The following AP5Z1 variants were observed in gnomAD, a reference collection of about 807,000 sequenced individuals.
The protein encoded by AP5Z1 is AP-5 complex subunit zeta-1.
Under a neutral mutation model 83.0 loss-of-function variants are expected in AP5Z1, and 106 were observed. The observed-to-expected ratio is 1.28, with a 90% CI of 1.09 to 1.50. The LOEUF (loss-of-function observed/expected upper bound fraction) is 1.50. Ranked by LOEUF, AP5Z1 falls within the 40% of genes most tolerant of loss-of-function variation. AP5Z1 has a pLI of 0.00. For missense variants in AP5Z1, 1,565 were observed against 1,094.2 expected (o/e 1.43, Z -6.07); for synonymous variants, 751 against 514.1 (o/e 1.46, Z -6.23).
chr7:4,782,473 G>A lies in AP5Z1; in HGVS notation c.366+719G>A, dbSNP rs150860018. 3.8e-3 allele frequency among the ~76,000 whole-genome samples: 578 copies of A among 152,300 alleles called. 5 individuals carry two copies. The highest frequency in any genetic ancestry group is 0.012 in the African/African-American group (513 of 41,560). On this transcript the variant is annotated intron_variant, in intron 3 of 16. Transcript: ENST00000649063. ...GGTGCAGAGTCTGCAGGAAGGTTGCGATGGAGCTGGGCTTTTCCCTCCGTT... is the reference window on the plus strand; with the variant it reads ...GGTGCAGAGTCTGCAGGAAGGTTGCAATGGAGCTGGGCTTTTCCCTCCGTT...
rs1781592938 is a variant in AP5Z1, at chr7:4,787,681, C to T, written c.1359C>T (p.Leu453=). The change falls in exon 11 of 17, where the codon CTC becomes CTT. Residue 453 remains leucine, a synonymous_variant. Coordinates refer to ENST00000649063, the MANE Select transcript of AP5Z1 (RefSeq NM_014855.3). Reference sequence around the variant, plus strand: ...CCCTCACCTCCGAGTTTGTGGCGCTCCTCCCGGCCCTGGTGGACGCTGGCA... The same window carrying T: ...CCCTCACCTCCGAGTTTGTGGCGCTTCTCCCGGCCCTGGTGGACGCTGGCA... ...SPPLTSEFVA[L]LPALVDAGTA... is the part of the protein sequence containing the mutation. The T allele has an allele frequency of 6.4e-7, 1 of 1,552,660 alleles. No individual in the cohort carries two copies. The highest frequency in any genetic ancestry group is 8.7e-7 in the Non-Finnish European group (1 of 1,148,754).
Position 4,786,360 on chromosome 7 carries a change from A to C in AP5Z1, c.1243A>C (p.Arg415=). 6.2e-7 allele frequency: 1 copy of C among 1,613,924 alleles called. No individual in the cohort carries two copies. Among genetic ancestry groups the C allele is most frequent in the Non-Finnish European group, 8.5e-7 (1 of 1,179,852 alleles). Residue 415 remains arginine, a synonymous_variant, in exon 10 of 17, where the codon AGG becomes CGG. Coordinates refer to ENST00000649063, the MANE Select transcript of AP5Z1 (RefSeq NM_014855.3). ...GGCCTTTGAATTCATCCAGTTCTGC[A>C]GGGACAACCTCCACCTGTTCAGCGG... is the stretch of plus-strand genomic sequence containing the variant. ...MLAFEFIQFC[R]DNLHLFSGHL...
intron 3 of AP5Z1, among the ~76,000 whole-genome samples, chr7:4,782,776 A>G (rs1397717267): frequency 6.6e-6 from 1 of 150,990 alleles, no homozygotes; most frequent in Non-Finnish European, 1.5e-5. Context: ...CCTTCTCCTC[A>G]AGCAACTCAT....
chr7:4,784,176 G>A (rs942559540), intron 5 of AP5Z1, 27 bp from the exon 6 acceptor site: 68 of 1,562,276 alleles, frequency 4.4e-5, no homozygotes, highest in African/African-American at 5.4e-5. Context: ...GGCCCCCTCC[G>A]CCCACTCCTG....
chr7:4,783,416 T>C lies in AP5Z1; in HGVS notation c.467T>C (p.Val156Ala). 2.5e-6 allele frequency: 4 copies of C among 1,612,972 alleles called. No individual in the cohort carries two copies. The highest frequency in any genetic ancestry group is 3.4e-6 in the Non-Finnish European group (4 of 1,179,728). Reference protein sequence around the residue: ...EGPSLRHLLPVMAKVVVLSPG... With the variant: ...EGPSLRHLLPAMAKVVVLSPG... ...CCCAGCCTCAGACACCTCCTCCCCG[T>C]CATGGCCAAGGTCGTGGTCCTCAGC... is the stretch of plus-strand genomic sequence containing the variant. Residue 156 changes from valine to alanine, a missense_variant, in exon 4 of 17, where the codon GTC becomes GCC. By Grantham distance (64) the Val-to-Ala change is moderately conservative. Coordinates refer to ENST00000649063, the MANE Select transcript of AP5Z1 (RefSeq NM_014855.3).
intron 1 of AP5Z1, among the ~76,000 whole-genome samples, chr7:4,777,694 C>T (rs896637729): frequency 1.3e-5 from 2 of 152,122 alleles, no homozygotes; most frequent in African/African-American, 4.8e-5. Flanking sequence ...CGGCTGAGCC[C>T]TCACTATTTA....
chr7:4,786,182 T>A lies in AP5Z1; in HGVS notation c.1133-68T>A, dbSNP rs989047249. 7 of 1,475,160 alleles carry A rather than the reference T, an allele frequency of 4.7e-6. No individual in the cohort carries two copies. In the Admixed American group the frequency reaches 1.2e-4, roughly 25 times the overall value. The allele number at this position is 1,475,160 out of a possible 1,614,324, so 91.4% of individuals were successfully genotyped here. ...GAGCAGGCCTGAGACTCAGGGCCCC[T>A]AACCAGTCACAGAAGCACGGCCAGG... On this transcript the variant is annotated intron_variant, in intron 9 of 16. Coordinates refer to ENST00000649063, the MANE Select transcript of AP5Z1 (RefSeq NM_014855.3).
chr7:4,788,351 A>C, intron 12 of AP5Z1, 57 bp downstream of exon 12: 2 of 1,507,174 alleles, frequency 1.3e-6, no homozygotes, highest in Admixed American at 4.4e-5. Context: ...GGCCACAGCC[A>C]CTGGGGTGGG....
Position 4,792,129 on chromosome 7 carries a change from G to A in AP5Z1, c.*744G>A, listed in dbSNP as rs921356345. ...CAGAACACTGGATTCGCGCGAAGGGGAGGTGTCTGGGCGTGCGGCCCCAGC... is the reference window on the plus strand; with the variant it reads ...CAGAACACTGGATTCGCGCGAAGGGAAGGTGTCTGGGCGTGCGGCCCCAGC... On this transcript the variant is annotated 3_prime_UTR_variant, in exon 17 of 17. Transcript: ENST00000649063. The A allele has an allele frequency of 3.3e-5, 5 of 152,268 alleles. No homozygotes were observed. The highest frequency in any genetic ancestry group is 1.2e-4 in the African/African-American group (5 of 41,446). The allele number at this position is 152,268 out of a possible 1,614,324, so 9.4% of individuals were successfully genotyped here.
Position 4,794,042 on chromosome 7 carries a change from G to A in AP5Z1, c.*2657G>A, listed in dbSNP as rs1278057772. 6.6e-6 allele frequency: 1 copy of A among 152,642 alleles called. No homozygotes were observed. 9.5% of individuals were successfully genotyped at this position (152,642 alleles called of 1,614,324 possible). On this transcript the variant is annotated 3_prime_UTR_variant, in exon 17 of 17. Transcript: ENST00000649063. ...GCACTCTGTATCTAGCTCAAGGTTT[G>A]TAAACACACCAATCAGCACCTTGTG...
Position 4,785,536 on chromosome 7 carries a change from C to G in AP5Z1, c.984C>G (p.Ala328=), listed in dbSNP as rs763042987. ...ATGTCCCGCAGTGCCTGGTGGAGGC[C>G]GTGCTGGTGCTGGACGTGCTGTGCC... ...SDLQKACLVE[A]VLVLDVLCRQ... The change falls in exon 9 of 17, where the codon GCC becomes GCG. Residue 328 remains alanine (A), a synonymous_variant. Transcript: ENST00000649063. 1.2e-6 allele frequency: 2 copies of G among 1,612,802 alleles called. No homozygotes were observed. The highest frequency in any genetic ancestry group is 1.7e-6 in the Non-Finnish European group (2 of 1,179,674).
intron 5 of AP5Z1, 135 bp downstream of exon 5, chr7:4,783,933 C>G (rs916884287): frequency 1.9e-6 from 2 of 1,047,152 alleles, no homozygotes; most frequent in Non-Finnish European, 2.7e-6. Context: ...TGCTGCGGGG[C>G]TTGGGTCAGG....
chr7:4,785,437 C>A lies in AP5Z1; in HGVS notation c.954C>A (p.Ser318=). Residue 318 remains serine, a synonymous_variant, in exon 8 of 17, where the codon TCC becomes TCA. Transcript: ENST00000649063. ...CAGGAGCCCTGAGGAAGGGGGACTCCGACCTGCAGAAAGCTGTAAGTGGCT... is the reference window on the plus strand; with the variant it reads ...CAGGAGCCCTGAGGAAGGGGGACTCAGACCTGCAGAAAGCTGTAAGTGGCT... ...SNRRALRKGD[S]DLQKACLVEA... 1 of 1,613,344 alleles carries A rather than the reference C, an allele frequency of 6.2e-7. No individual in the cohort carries two copies. Among genetic ancestry groups the A allele is most frequent in the Non-Finnish European group, 8.5e-7 (1 of 1,179,628 alleles).
Position 4,786,948 on chromosome 7 carries a change from T to G in AP5Z1, c.1311+520T>G, listed in dbSNP as rs565152256. Among the ~76,000 whole-genome samples the G allele has an allele frequency of 1.4e-4, 22 of 152,102 alleles. 1 individual carries two copies. The East Asian group carries it at 4.3e-3, about 30-fold the overall frequency. On this transcript the variant is annotated intron_variant, in intron 10 of 16. Transcript: ENST00000649063. Reference sequence around the variant, plus strand: ...ACCATGTCCAGCTAATTTTTGGTATTTTTAGTAGAGATGGGGTTTCGACAT... The same window carrying G: ...ACCATGTCCAGCTAATTTTTGGTATGTTTAGTAGAGATGGGGTTTCGACAT...
chr7:4,792,517 G>A lies in AP5Z1; in HGVS notation c.*1132G>A, dbSNP rs1583245540. 1 of 152,382 alleles carries A rather than the reference G, an allele frequency of 6.6e-6. No homozygotes were observed. The highest frequency in any genetic ancestry group is 1.9e-4 in the East Asian group (1 of 5,190). 9.4% of individuals were successfully genotyped at this position (152,382 alleles called of 1,614,324 possible). On this transcript the variant is annotated 3_prime_UTR_variant, in exon 17 of 17. Coordinates refer to ENST00000649063, the MANE Select transcript of AP5Z1 (RefSeq NM_014855.3). ...CAAGGAACGGAGCAGGGGACACCGT[G>A]CGGGCTCAGGAGCTCCCCAGATGCC... is the stretch of plus-strand genomic sequence containing the variant.
At chr7:4,780,390 T>C (rs1291043322) in intron 1 of AP5Z1, among the ~76,000 whole-genome samples, 1 of 150,100 alleles carries the variant, frequency 6.7e-6, no homozygotes, top group East Asian at 1.9e-4. Flanking sequence ...GAGGCCGAGG[T>C]GGGCAGATCA....
chr7:4,790,354 C>T (rs1562414237), intron 14 of AP5Z1, 105 bp from the exon 15 acceptor site: 7 of 1,574,244 alleles, frequency 4.4e-6, no homozygotes, highest in East Asian at 4.7e-5. Flanking sequence ...GTGCAGCATA[C>T]ACCTACCACT....
At position 4,779,704 on chromosome 7, in the gene AP5Z1, G is replaced by A. The variant is rs1781328966; in HGVS notation, c.42-1471G>A. ...TGCCCAAGCTGGGGTGCAATGGCAT[G>A]ATCTCAGCTCACTGCAACCTCCTCC... On this transcript the variant is annotated intron_variant, in intron 1 of 16. Coordinates refer to ENST00000649063, the MANE Select transcript of AP5Z1 (RefSeq NM_014855.3). Among the ~76,000 whole-genome samples the A allele has an allele frequency of 2.0e-5, 3 of 151,714 alleles. No individual in the cohort carries two copies. In the South Asian group the frequency reaches 6.2e-4, roughly 32 times the overall value.
chr7:4,788,362 G>T (rs1781627004), intron 12 of AP5Z1, 68 bp downstream of exon 12: 9 of 1,487,056 alleles, frequency 6.1e-6, no homozygotes, highest in African/African-American at 5.6e-5. Context: ...CTGGGGTGGG[G>T]CTCACTGCTC....
Sources: gnomAD v4.1 joint callset for allele counts (sites outside exome capture counted in the v4.1 genomes callset) on GRCh38, gnomAD v4.1.1 for gene constraint, MANE v1.5 for transcripts, NCBI Gene and HGNC (gene_info 2026-07-23, HGNC 2026-07-21) for gene names.